The following JMJD1C variants were observed in gnomAD, a reference collection of about 807,000 sequenced individuals.
JMJD1C encodes jumonji domain-containing protein 1C.
Under a neutral mutation model 245.3 loss-of-function variants are expected in JMJD1C, and 31 were observed. The observed-to-expected ratio is 0.13, with a 90% CI of 0.09 to 0.17. The LOEUF (loss-of-function observed/expected upper bound fraction) is 0.17, where lower values mean the gene tolerates loss of function less well. JMJD1C is among the 10% of genes least tolerant of loss of function. The pLI, the probability that JMJD1C is intolerant of heterozygous loss-of-function variation, is 1.00. For missense variants in JMJD1C, 2,691 were observed against 3,000.2 expected, an observed-to-expected ratio of 0.90 and a Z score of 2.41; for synonymous variants, 1,057 against 1,017.4, an observed-to-expected ratio of 1.04 and a Z score of -0.74.
chr10:63,346,871 C>T (rs971001027), intron 2 of JMJD1C, among the ~76,000 whole-genome samples: 1 of 151,988 alleles, frequency 6.6e-6, no homozygotes, highest in Non-Finnish European at 1.5e-5. Context: ...TTTTAAAAGG[C>T]AGTTTTAAAG....
intron 2 of JMJD1C, among the ~76,000 whole-genome samples, chr10:63,307,450 C>G (rs771385640): frequency 6.6e-6 from 1 of 152,092 alleles, no homozygotes; most frequent in East Asian, 1.9e-4. Context: ...CTACTACAAA[C>G]TACATCAGGA....
intron 9 of JMJD1C, 91 bp downstream of exon 9, chr10:63,208,972 T>C (rs1846992623): frequency 8.5e-7 from 1 of 1,176,878 alleles, no homozygotes; most frequent in African/African-American, 1.6e-5. Flanking sequence ...AATCTTAAGA[T>C]ATGTGTTAAC....
At chr10:63,448,975 G>A (rs952253466) in intron 1 of JMJD1C, among the ~76,000 whole-genome samples, 1 of 151,948 alleles carries the variant, frequency 6.6e-6, no homozygotes, top group African/African-American at 2.4e-5. Context: ...AAATTAGCCA[G>A]GTGCGGTGGC....
chr10:63,304,811 C>G (rs546325327), intron 2 of JMJD1C, among the ~76,000 whole-genome samples: 2 of 152,210 alleles, frequency 1.3e-5, no homozygotes, highest in African/African-American at 4.8e-5. Context: ...TATTTACACA[C>G]ACAGCAAATT....
intron 1 of JMJD1C, among the ~76,000 whole-genome samples, chr10:63,519,330 T>C (rs2133311107): frequency 6.6e-6 from 1 of 152,314 alleles, no homozygotes; most frequent in Non-Finnish European, 1.5e-5. Flanking sequence ...ATATTCACAA[T>C]GATGACCTCC....
intron 2 of JMJD1C, among the ~76,000 whole-genome samples, chr10:63,327,720 G>A (rs886709552): frequency 1.3e-5 from 2 of 151,826 alleles, no homozygotes; most frequent in African/African-American, 2.4e-5. Context: ...CCAGGCTGGA[G>A]GGCAATGGCG....
chr10:63,517,481 T>C (rs913620847), intron 1 of JMJD1C, among the ~76,000 whole-genome samples: 1 of 152,200 alleles, frequency 6.6e-6, no homozygotes, highest in Non-Finnish European at 1.5e-5. Flanking sequence ...GTAGTAGAAC[T>C]AGGTCTCCTG....
chr10:63,473,133 C>G (rs1242745357), intron 1 of JMJD1C, among the ~76,000 whole-genome samples: 1 of 151,826 alleles, frequency 6.6e-6, no homozygotes, highest in African/African-American at 2.4e-5. Flanking sequence ...AAAAGACCTA[C>G]AGAATAGAGA....
At chr10:63,248,721 C>T (rs1001716489) in intron 3 of JMJD1C, among the ~76,000 whole-genome samples, 2 of 152,070 alleles carry the variant, frequency 1.3e-5, no homozygotes, top group Non-Finnish European at 2.9e-5. Context: ...AGTTCCACTA[C>T]TGGATATACA....
At chr10:63,179,954 A>T (rs1047000989) in intron 22 of JMJD1C, among the ~76,000 whole-genome samples, 4 of 152,164 alleles carry the variant, frequency 2.6e-5, no homozygotes, top group Non-Finnish European at 5.9e-5. Flanking sequence ...TTGTGACAGT[A>T]ATGTCTATTT....
chr10:63,494,179 C>T (rs529833932), intron 1 of JMJD1C, among the ~76,000 whole-genome samples: 22 of 152,180 alleles, frequency 1.4e-4, no homozygotes, highest in African/African-American at 5.1e-4. Flanking sequence ...GGCAAGGTGG[C>T]ACATGCCTGT....
intron 3 of JMJD1C, among the ~76,000 whole-genome samples, chr10:63,259,460 C>A (rs1197011424): frequency 6.6e-6 from 1 of 152,020 alleles, no homozygotes; most frequent in African/African-American, 2.4e-5. Flanking sequence ...TAAACTACTG[C>A]AAACTTACCC....
intron 2 of JMJD1C, among the ~76,000 whole-genome samples, chr10:63,282,318 T>C (rs1015887997): frequency 6.6e-5 from 10 of 152,214 alleles, no homozygotes; most frequent in African/African-American, 2.4e-4. Flanking sequence ...ATTTAGAAGA[T>C]TAACATTTAG....
At chr10:63,249,085 G>A (rs1852684789) in intron 3 of JMJD1C, among the ~76,000 whole-genome samples, 1 of 152,226 alleles carries the variant, frequency 6.6e-6, no homozygotes, top group African/African-American at 2.4e-5. Flanking sequence ...GGAGGCCAAG[G>A]CGGGTGGATC....
Position 63,208,805 on chromosome 10 carries a change from T to C in JMJD1C, c.2868-4A>G. On this transcript the variant is annotated splice_polypyrimidine_tract_variant and splice_region_variant and intron_variant, in intron 9 of 25. Transcript: ENST00000399262. ...AAAAGCTTTTCTTTCTAATTCTCTG[T>C]AAAGAAAATACACAAATATTTCTGT... 6.4e-7 allele frequency: 1 copy of C among 1,558,936 alleles called. No individual in the cohort carries two copies. Among genetic ancestry groups the C allele is most frequent in the South Asian group, 1.2e-5 (1 of 81,854 alleles).
chr10:63,510,912 G>C (rs7083823), intron 1 of JMJD1C, among the ~76,000 whole-genome samples: 100,360 of 152,086 alleles, frequency 0.66, 36,032 homozygotes, highest in Non-Finnish European at 0.81. Flanking sequence ...GTATCTTCTT[G>C]GATTACTTAC....
At chr10:63,512,070 C>T (rs1009409431) in intron 1 of JMJD1C, among the ~76,000 whole-genome samples, 1 of 152,170 alleles carries the variant, frequency 6.6e-6, no homozygotes, top group African/African-American at 2.4e-5. Context: ...CCTAAATTCA[C>T]TCTTTCATCT....
At chr10:63,466,151 C>CGGCGGT (rs756419562), upstream of JMJD1C, 2 of 189,108 alleles carry the variant, frequency 1.1e-5, no homozygotes, top group Non-Finnish European at 2.1e-5. Flanking sequence ...GCGGCGGCGG[C>CGGCGGT]GGCGGCAGCG....
intron 1 of JMJD1C, among the ~76,000 whole-genome samples, chr10:63,432,827 C>T (rs79901060): frequency 0.023 from 3,519 of 152,176 alleles, 133 homozygotes; most frequent in African/African-American, 0.08. Context: ...TTAGATTACA[C>T]CTAAAAACAG....
Sources: gnomAD v4.1 joint callset for allele counts (sites outside exome capture counted in the v4.1 genomes callset) on GRCh38, gnomAD v4.1.1 for gene constraint, MANE v1.5 for transcripts, NCBI Gene and HGNC (gene_info 2026-07-23, HGNC 2026-07-21) for gene names.